Variants in CDH11 observed in about 807,000 individuals in gnomAD.
CDH11 encodes cadherin-11.
A neutral mutation model predicts 67.8 loss-of-function variants in CDH11; 11 were observed. The ratio of observed to expected loss-of-function variants is 0.16; its 90% CI spans 0.10 to 0.27. The LOEUF (loss-of-function observed/expected upper bound fraction) is 0.27, where lower values mean the gene tolerates loss of function less well. CDH11 is among the 10% of genes least tolerant of loss of function. The pLI is 1.00. For missense variants in CDH11, 847 were observed against 1,031.2 expected (o/e 0.82, Z 2.45); for synonymous variants, 419 against 400.0 (o/e 1.05, Z -0.57).
intron 2 of CDH11, among the ~76,000 whole-genome samples, chr16:65,035,421 G>A (rs1242487419): frequency 3.9e-5 from 6 of 152,250 alleles, no homozygotes; most frequent in Admixed American, 3.9e-4. Flanking sequence ...GCCTGTCACA[G>A]CCAACCATTG....
rs561359813 is a variant in CDH11, at chr16:65,109,461, T to C, written c.-298+12419A>G. 1.9e-3 allele frequency among the ~76,000 whole-genome samples: 283 copies of C among 152,314 alleles called. 1 individual carries two copies. The highest frequency in any genetic ancestry group is 6.8e-3 in the African/African-American group (281 of 41,572). On this transcript the variant is annotated intron_variant, in intron 1 of 12. Transcript: ENST00000268603. ...TCCTTGCTGCCCAAACTCACCCAAC[T>C]GTATGCACTGACAACTTCCACTGTT... is the stretch of plus-strand genomic sequence containing the variant.
At position 64,971,652 on chromosome 16, in the gene CDH11, A is replaced by T; in HGVS notation, c.1569T>A (p.Asn523Lys). The T allele has an allele frequency of 6.2e-7, 1 of 1,613,660 alleles. No homozygotes were observed. The highest frequency in any genetic ancestry group is 8.5e-7 in the Non-Finnish European group (1 of 1,179,744). Residue 523 changes from asparagine (N) to lysine (K), a missense_variant, in exon 11 of 13, where the codon AAT becomes AAA. Asn to Lys is a moderately conservative substitution (Grantham distance 94). Transcript: ENST00000268603. ...ISADDKDDTA[N>K]GPRFIFSLPP... ...GTAGGCTGAAGATAAATCTTGGTCC[A>T]TTGGCCGTGTCATCCTTGTCATCTG...
At chr16:65,058,214 CCT>C (rs1723406816) in intron 1 of CDH11, among the ~76,000 whole-genome samples, 1 of 151,982 alleles carries the variant, frequency 6.6e-6, no homozygotes, top group South Asian at 2.1e-4. Context: ...AAAGTGAGAC[CCT>C]GTCTCAAAAA....
intron 12 of CDH11, 143 bp from the exon 13 acceptor site, chr16:64,948,242 G>T: frequency 9.1e-7 from 1 of 1,101,048 alleles, no homozygotes; most frequent in Non-Finnish European, 1.3e-6. Context: ...GCTTTGCCTG[G>T]AATCCCTAAG....
intron 11 of CDH11, among the ~76,000 whole-genome samples, chr16:64,970,581 G>A (rs2071978667): frequency 6.6e-6 from 1 of 152,140 alleles, no homozygotes; most frequent in Non-Finnish European, 1.5e-5. Context: ...ATGGGTCGTG[G>A]AACACAGCAA....
chr16:65,101,759 C>T (rs2074996316), intron 1 of CDH11, among the ~76,000 whole-genome samples: 1 of 152,146 alleles, frequency 6.6e-6, no homozygotes, highest in Admixed American at 6.5e-5. Flanking sequence ...ATTTTTTTCA[C>T]TTGTTTGCTT....
At chr16:64,956,703 T>C (rs1263861396) in intron 11 of CDH11, among the ~76,000 whole-genome samples, 5 of 152,152 alleles carry the variant, frequency 3.3e-5, no homozygotes, top group Non-Finnish European at 7.4e-5. Context: ...GAAAAACAAA[T>C]TCAGGCTTCT....
chr16:64,982,382 C>T (rs35212), intron 7 of CDH11, 81 bp from the exon 8 acceptor site: 43 of 1,052,260 alleles, frequency 4.1e-5, no homozygotes, highest in Non-Finnish European at 5.2e-5. Flanking sequence ...TTTATAGGGA[C>T]GAGTGAATAT....
chr16:65,086,931 T>C (rs1022031247), intron 1 of CDH11, among the ~76,000 whole-genome samples: 11 of 152,140 alleles, frequency 7.2e-5, no homozygotes, highest in African/African-American at 2.2e-4. Flanking sequence ...TAAAAGAAAG[T>C]GTATTTTAAA....
intron 1 of CDH11, among the ~76,000 whole-genome samples, chr16:65,115,725 A>C (rs973113815): frequency 3.0e-5 from 4 of 134,426 alleles, no homozygotes; most frequent in Non-Finnish European, 6.3e-5. Context: ...AAAAAAACAA[A>C]AAAACAAAAC....
intron 7 of CDH11, among the ~76,000 whole-genome samples, chr16:64,983,734 C>T (rs1434437373): frequency 6.6e-6 from 1 of 152,106 alleles, no homozygotes. Flanking sequence ...TTCCTTTATC[C>T]TTGGCTAGGT....
intron 3 of CDH11, among the ~76,000 whole-genome samples, chr16:64,999,421 A>G (rs1027126589): frequency 1.3e-5 from 2 of 152,066 alleles, no homozygotes; most frequent in African/African-American, 4.8e-5. Context: ...ATCATTCTTC[A>G]CTTCATCCTT....
chr16:64,989,738 A>G (rs2072584028), intron 6 of CDH11, among the ~76,000 whole-genome samples: 3 of 152,172 alleles, frequency 2.0e-5, no homozygotes, highest in African/African-American at 7.2e-5. Flanking sequence ...AGTAGCTAAG[A>G]TTCAACATTA....
In CDH11 at chr16:65,031,429, A is replaced by G. The variant is rs996007522; in HGVS notation, c.-173+22375T>C. The stretch of plus-strand genomic sequence containing the variant: ...GGGACTTAGGGGGCTGAGATAATTC[A>G]GCAGAGTCACATAAACCAAGGTATG... On this transcript the variant is annotated intron_variant, in intron 2 of 12. Coordinates refer to ENST00000268603, the MANE Select transcript of CDH11 (RefSeq NM_001797.4). Among the ~76,000 whole-genome samples, 8 of 152,214 alleles carry G rather than the reference A, an allele frequency of 5.3e-5. 1 individual carries two copies. Among genetic ancestry groups the G allele is most frequent in the Non-Finnish European group, 1.5e-5 (1 of 68,036 alleles).
chr16:65,044,861 G>A (rs2073927798), intron 2 of CDH11, among the ~76,000 whole-genome samples: 1 of 152,108 alleles, frequency 6.6e-6, no homozygotes, highest in South Asian at 2.1e-4. Flanking sequence ...TTATACTGAA[G>A]CAACTTGATA....
rs35700448 is a variant in CDH11, at chr16:65,021,876, GAA to G, written c.-172-16837_-172-16836del. Among the ~76,000 whole-genome samples, 315 of 109,854 alleles carry G rather than the reference GAA, an allele frequency of 2.9e-3. 3 individuals carry two copies. The highest frequency in any genetic ancestry group is 1.0e-2 in the African/African-American group (288 of 28,830). 72.1% of individuals were successfully genotyped at this position (109,854 alleles called of 152,430 possible). A position where few individuals can be genotyped will look rare whatever the true frequency, so the allele number is the denominator to read the frequency against. The stretch of plus-strand genomic sequence containing the variant: ...CTAGAATCACCCCTAAAGTAACTCA[GAA>G]AAAAAAAAAAAAAAAGAAAGAAAAT... On this transcript the variant is annotated intron_variant, in intron 2 of 12. Coordinates refer to ENST00000268603, the MANE Select transcript of CDH11 (RefSeq NM_001797.4).
intron 2 of CDH11, among the ~76,000 whole-genome samples, chr16:65,021,460 G>GA (rs1443941664): frequency 6.6e-6 from 1 of 151,584 alleles, no homozygotes; most frequent in African/African-American, 2.4e-5. Flanking sequence ...ACAAAAGGGA[G>GA]AAAAACAATT....
intron 2 of CDH11, among the ~76,000 whole-genome samples, chr16:65,009,188 A>G (rs917966087): frequency 2.0e-5 from 3 of 152,176 alleles, no homozygotes; most frequent in African/African-American, 7.2e-5. Flanking sequence ...TAGCCTTAAC[A>G]TGATGATAAT....
In CDH11 at chr16:64,945,317, AAAG is replaced by A. The variant is rs758089802; in HGVS notation, c.*2283_*2285del. 0.01 allele frequency: 4,969 copies of A among 473,508 alleles called. 63 individuals carry two copies. The highest frequency in any genetic ancestry group is 0.026 in the East Asian group (274 of 10,526). The allele number at this position is 473,508 out of a possible 1,614,324, so 29.3% of individuals were successfully genotyped here. A position where few individuals can be genotyped will look rare whatever the true frequency, so the allele number is the denominator to read the frequency against. ...AATAAAAGGTAAAAAAAAAAAAAAA[AAAG>A]AAAAAGAAAAACAAGTATTCTTAAC... is the stretch of plus-strand genomic sequence containing the variant. On this transcript the variant is annotated 3_prime_UTR_variant, in exon 13 of 13. Coordinates refer to ENST00000268603, the MANE Select transcript of CDH11 (RefSeq NM_001797.4).
Sources: allele counts gnomAD v4.1 joint callset (sites outside exome capture counted in the v4.1 genomes callset), GRCh38; gene constraint gnomAD v4.1.1; transcripts MANE v1.5; gene names NCBI Gene and HGNC (gene_info 2026-07-23, HGNC 2026-07-21).